The following ATXN2 variants were observed in gnomAD, a reference collection of about 807,000 sequenced individuals.
The protein encoded by ATXN2 is ataxin-2.
Under a neutral mutation model 138.6 loss-of-function variants are expected in ATXN2, and 37 were observed. That is an observed-to-expected ratio of 0.27 (90% CI 0.21 to 0.35). The LOEUF (loss-of-function observed/expected upper bound fraction) is 0.35. Among genes scored for constraint, ATXN2 ranks in the 10% least tolerant of loss-of-function variants. ATXN2 has a pLI of 1.00. For synonymous variants in ATXN2, 549 were observed against 543.7 expected, an observed-to-expected ratio of 1.01 and a Z score of -0.13; for missense variants, 1,216 against 1,480.3, an observed-to-expected ratio of 0.82 and a Z score of 2.93.
At chr12:111,562,720 C>CAAAAAAA (rs34625134) in intron 1 of ATXN2, among the ~76,000 whole-genome samples, 5 of 55,982 alleles carry the variant, frequency 8.9e-5, no homozygotes, top group East Asian at 5.0e-4. Context: ...AACTCCATCT[C>CAAAAAAA]AAAAAAAAAA....
chr12:111,535,862 T>TAG (rs1422645902), intron 5 of ATXN2, among the ~76,000 whole-genome samples: 7 of 150,116 alleles, frequency 4.7e-5, no homozygotes, highest in Non-Finnish European at 8.9e-5. Flanking sequence ...TAGCCGGGCG[T>TAG]AGTGGCGGGC....
chr12:111,541,667 G>A (rs1881526511), intron 5 of ATXN2, among the ~76,000 whole-genome samples: 1 of 148,982 alleles, frequency 6.7e-6, no homozygotes, highest in South Asian at 2.1e-4. Context: ...ATATTTTGTA[G>A]GGCAAGTCCT....
chr12:111,541,346 C>CT lies in ATXN2; in HGVS notation c.571+10933dup, dbSNP rs62932861. Among the ~76,000 whole-genome samples the CT allele has an allele frequency of 1.1e-3, 76 of 67,412 alleles. 1 individual carries two copies. The highest frequency in any genetic ancestry group is 3.4e-3 in the African/African-American group (66 of 19,208). The allele number at this position is 67,412 out of a possible 152,430, so 44.2% of individuals were successfully genotyped here. On this transcript the variant is annotated intron_variant, in intron 5 of 24. Transcript: ENST00000673436. ...CGTAGCCACTGTGACAGTTATAATT[C>CT]TTTTTTTTTTTTTTTTTTTTTTGAA...
At chr12:111,497,137 T>C (rs1592833497) in intron 14 of ATXN2, among the ~76,000 whole-genome samples, 2 of 152,128 alleles carry the variant, frequency 1.3e-5, no homozygotes, top group South Asian at 2.1e-4. Context: ...CCTAGACACA[T>C]ACAACCTACC....
chr12:111,506,154 A>C (rs1879092040), intron 14 of ATXN2, among the ~76,000 whole-genome samples: 1 of 152,192 alleles, frequency 6.6e-6, no homozygotes, highest in African/African-American at 2.4e-5. Flanking sequence ...AAGCCCATCC[A>C]TAGAGACAGA....
rs535381561 is a variant in ATXN2 at position 111,536,916 on chromosome 12, G to A, written c.572-11600C>T. On this transcript the variant is annotated intron_variant, in intron 5 of 24. Coordinates refer to ENST00000673436, the MANE Select transcript of ATXN2 (RefSeq NM_001372574.1). ...CTCTGCCTCAGCCTCCCTAGTAGCT[G>A]AGATTACAGGTGCACGCCACCACAC... Among the ~76,000 whole-genome samples the A allele has an allele frequency of 2.0e-5, 3 of 151,036 alleles. No individual in the cohort carries two copies. In the South Asian group the frequency reaches 6.3e-4, roughly 32 times the overall value.
intron 10 of ATXN2, among the ~76,000 whole-genome samples, chr12:111,515,917 T>A (rs1879829472): frequency 6.6e-6 from 1 of 152,194 alleles, no homozygotes; most frequent in Admixed American, 6.5e-5. Flanking sequence ...AGCATAATTA[T>A]CAGGCAGAGA....
chr12:111,457,468 C>A (rs2301621), intron 21 of ATXN2, 109 bp from the exon 22 acceptor site: 3 of 1,248,598 alleles, frequency 2.4e-6, no homozygotes, highest in Non-Finnish European at 3.3e-6. Flanking sequence ...GCATAACTCA[C>A]GCCACTACCA....
chr12:111,544,352 C>G (rs1473400918), intron 5 of ATXN2, among the ~76,000 whole-genome samples: 1 of 152,152 alleles, frequency 6.6e-6, no homozygotes, highest in Non-Finnish European at 1.5e-5. Context: ...AATAATGCTT[C>G]TACAAAAGTG....
chr12:111,457,120 T>C lies in ATXN2; in HGVS notation c.3042+94A>G. 4 of 1,419,662 alleles carry C rather than the reference T, an allele frequency of 2.8e-6. No individual in the cohort carries two copies. The South Asian group carries it at 5.5e-5, about 20-fold the overall frequency. The allele number at this position is 1,419,662 out of a possible 1,614,324, so 87.9% of individuals were successfully genotyped here. A position where few individuals can be genotyped will look rare whatever the true frequency, so the allele number is the denominator to read the frequency against. ...CATCTTCACGAGGGTGGACATGCCATGTGTTCTGACGATGCGATACCTGGC... is the reference window on the plus strand; with the variant it reads ...CATCTTCACGAGGGTGGACATGCCACGTGTTCTGACGATGCGATACCTGGC... On this transcript the variant is annotated intron_variant, in intron 22 of 24. Transcript: ENST00000673436.
At chr12:111,455,049 T>C (rs1346478419) in intron 23 of ATXN2, 8 of 702,904 alleles carry the variant, frequency 1.1e-5, no homozygotes, top group African/African-American at 1.7e-5. Flanking sequence ...ACTTACAAGG[T>C]AGCCTTCTGA....
rs773204516 is a variant in ATXN2, at chr12:111,470,683, C to T, written c.2584G>A (p.Ala862Thr). 2.5e-6 allele frequency: 4 copies of T among 1,614,038 alleles called. No individual in the cohort carries two copies. In the Admixed American group the frequency reaches 6.7e-5, roughly 27 times the overall value. ...GCAATCGGTGGGCCCGCTGCTGACG[C>T]TGGGTGCATCATGGCACTCTGATGA... Reference protein sequence around the residue: ...QHHQSAMMHPASAAGPPIAAT... With the variant: ...QHHQSAMMHPTSAAGPPIAAT... The change falls in exon 19 of 25, where the codon GCG becomes ACG. Residue 862 changes from alanine to threonine, a missense_variant. By Grantham distance (58) the Ala-to-Thr change is moderately conservative. This residue lies in a region of ATXN2 where 490 missense variants were observed against 653.5 expected (regional missense o/e 0.75). Transcript: ENST00000673436.
chr12:111,598,229 G>A lies in ATXN2; in HGVS notation c.251+555C>T, dbSNP rs1354514077. On this transcript the variant is annotated intron_variant, in intron 1 of 24. Coordinates refer to ENST00000673436, the MANE Select transcript of ATXN2 (RefSeq NM_001372574.1). The surrounding 1 kb of genome is among the most constrained non-coding windows in gnomAD (Gnocchi z 4.5). ...CCAGGACTCGGAGGGGGCGGGGAGA[G>A]AGCCCCGACAGACCCTGATGATTCC... 1 of 1,047,122 alleles carries A rather than the reference G, an allele frequency of 9.5e-7. No homozygotes were observed. Among genetic ancestry groups the A allele is most frequent in the Non-Finnish European group, 1.2e-6 (1 of 866,190 alleles). 64.9% of individuals were successfully genotyped at this position (1,047,122 alleles called of 1,614,324 possible). A position where few individuals can be genotyped will look rare whatever the true frequency, so the allele number is the denominator to read the frequency against.
At chr12:111,503,604 CTCTT>C (rs1028284885) in intron 14 of ATXN2, among the ~76,000 whole-genome samples, 3 of 149,706 alleles carry the variant, frequency 2.0e-5, no homozygotes, top group Non-Finnish European at 4.5e-5. Context: ...TTTTTCCACT[CTCTT>C]TTTTTTTCTT....
At chr12:111,532,940 A>G (rs1880922369) in intron 5 of ATXN2, among the ~76,000 whole-genome samples, 1 of 151,602 alleles carries the variant, frequency 6.6e-6, no homozygotes, top group Non-Finnish European at 1.5e-5. Context: ...TCAGCCCCCC[A>G]GTGGGACTTT....
chr12:111,547,676 GATTGCACC>G (rs1287619626), intron 5 of ATXN2, among the ~76,000 whole-genome samples: 1 of 150,198 alleles, frequency 6.7e-6, no homozygotes, highest in African/African-American at 2.5e-5. Context: ...AGTGAGCGAA[GATTGCACC>G]ATTGCACTCC....
chr12:111,571,177 C>G (rs745516127), intron 1 of ATXN2, among the ~76,000 whole-genome samples: 2 of 152,196 alleles, frequency 1.3e-5, no homozygotes, highest in Non-Finnish European at 2.9e-5. Flanking sequence ...TGTAAAGTCC[C>G]TGCTCCTGTG....
At chr12:111,597,290 T>C (rs973255147) in intron 1 of ATXN2, among the ~76,000 whole-genome samples, 1 of 152,172 alleles carries the variant, frequency 6.6e-6, no homozygotes, top group Non-Finnish European at 1.5e-5. Flanking sequence ...TGGAAATGGG[T>C]TGCTGAAAAT....
At chr12:111,464,324 GGTGTGTGTGTTT>G (rs1364740325) in intron 21 of ATXN2, among the ~76,000 whole-genome samples, 3 of 126,158 alleles carry the variant, frequency 2.4e-5, no homozygotes, top group African/African-American at 1.0e-4. Flanking sequence ...TTGTGGCTTG[GGTGTGTGTGTTT>G]GTGTGTGTGT....
Sources: allele counts gnomAD v4.1 joint callset (sites outside exome capture counted in the v4.1 genomes callset), GRCh38; gene constraint gnomAD v4.1.1; regional missense constraint gnomAD v4.1.1; non-coding constraint Gnocchi (gnomAD v3.1); transcripts MANE v1.5; gene names NCBI Gene and HGNC (gene_info 2026-07-23, HGNC 2026-07-21).